PPP1CB: variants seen among roughly 807,000 people sequenced by gnomAD.
PPP1CB encodes protein phosphatase 1 catalytic subunit beta, also known as serine/threonine-protein phosphatase PP1-beta catalytic subunit.
Under a neutral mutation model 43.7 loss-of-function variants are expected in PPP1CB, and 2 were observed. The ratio of observed to expected loss-of-function variants is 0.05; its 90% CI spans 0.02 to 0.14. PPP1CB has a LOEUF of 0.14. Ranked by LOEUF, PPP1CB falls within the 10% of genes least tolerant of loss-of-function variation. PPP1CB has a pLI of 1.00. For synonymous variants in PPP1CB, 136 were observed against 135.6 expected (o/e 1.00, Z -0.02); for missense variants, 84 against 398.0 (o/e 0.21, Z 6.71).
In PPP1CB at chr2:28,752,048, G is replaced by A; in HGVS notation, c.-77G>A. On this transcript the variant is annotated 5_prime_UTR_variant, in exon 1 of 8. Coordinates refer to ENST00000395366, the MANE Select transcript of PPP1CB (RefSeq NM_002709.3). Reference sequence around the variant, plus strand: ...CCGCGTGACTTGTAGGTGAGAGAACGCCGAGCCGTCGCCGCAGCCTCCGCC... The same window carrying A: ...CCGCGTGACTTGTAGGTGAGAGAACACCGAGCCGTCGCCGCAGCCTCCGCC... The A allele has an allele frequency of 7.1e-7, 1 of 1,414,280 alleles. No homozygotes were observed. Among genetic ancestry groups the A allele is most frequent in the Non-Finnish European group, 9.8e-7 (1 of 1,023,218 alleles). The allele number at this position is 1,414,280 out of a possible 1,614,324, so 87.6% of individuals were successfully genotyped here.
chr2:28,796,207 CTTGAAGT>C (rs1667494241), intron 7 of PPP1CB, among the ~76,000 whole-genome samples: 1 of 151,898 alleles, frequency 6.6e-6, no homozygotes, highest in Non-Finnish European at 1.5e-5. Flanking sequence ...TATAATGTAC[CTTGAAGT>C]TTGGTAGTGT....
chr2:28,766,855 G>A (rs1239780732), intron 1 of PPP1CB, among the ~76,000 whole-genome samples: 3 of 152,188 alleles, frequency 2.0e-5, no homozygotes, highest in Non-Finnish European at 4.4e-5. Context: ...GCCAAGGCAG[G>A]CAGATCACGA....
chr2:28,778,578 G>A (rs975259467), intron 2 of PPP1CB: 48 of 530,180 alleles, frequency 9.1e-5, no homozygotes, highest in Admixed American at 7.0e-4. Flanking sequence ...TCATCAGCGA[G>A]CATGGAAGAA....
chr2:28,772,959 C>G lies in PPP1CB; in HGVS notation c.53-3892C>G, dbSNP rs542606944. Among the ~76,000 whole-genome samples the G allele has an allele frequency of 3.1e-4, 47 of 152,226 alleles. No homozygotes were observed. The South Asian group carries it at 9.6e-3, about 31-fold the overall frequency. On this transcript the variant is annotated intron_variant, in intron 1 of 7. Coordinates refer to ENST00000395366, the MANE Select transcript of PPP1CB (RefSeq NM_002709.3). ...ATGCAATAATGAGCAAAAGAGCATT[C>G]TTATGTTTCTTTTTATCTAAAAGTC...
At chr2:28,788,165 A>G (rs1367547850) in intron 5 of PPP1CB, among the ~76,000 whole-genome samples, 1 of 152,212 alleles carries the variant, frequency 6.6e-6, no homozygotes, top group East Asian at 1.9e-4. Flanking sequence ...TCCTGAAAAA[A>G]AAATGGAGGA....
chr2:28,770,979 T>C lies in PPP1CB; in HGVS notation c.53-5872T>C, dbSNP rs149917916. Among the ~76,000 whole-genome samples the C allele has an allele frequency of 1.3e-3, 191 of 151,592 alleles. 10 individuals are homozygous for C. In the East Asian group the frequency reaches 0.031, roughly 25 times the overall value. ...AAAGGAGAGATACCATATTTGTGGA[T>C]TGGAAGACTTGAAATTGTGAAGATA... On this transcript the variant is annotated intron_variant, in intron 1 of 7. Coordinates refer to ENST00000395366, the MANE Select transcript of PPP1CB (RefSeq NM_002709.3).
chr2:28,773,649 G>C (rs1341547933), intron 1 of PPP1CB, among the ~76,000 whole-genome samples: 1 of 127,824 alleles, frequency 7.8e-6, no homozygotes, highest in South Asian at 2.9e-4. Flanking sequence ...CTGTGTAACA[G>C]GTTGCCCGGA....
chr2:28,772,576 T>G (rs1237881068), intron 1 of PPP1CB, among the ~76,000 whole-genome samples: 2 of 152,208 alleles, frequency 1.3e-5, no homozygotes, highest in Non-Finnish European at 2.9e-5. Flanking sequence ...CCCATGGATA[T>G]TCATAGCATT....
chr2:28,752,016 C>G lies in PPP1CB; in HGVS notation c.-109C>G. ...GAAAAGGGGGAGTTGGAGCCGGGGT[C>G]GAAACGCCGCGTGACTTGTAGGTGA... On this transcript the variant is annotated 5_prime_UTR_variant, in exon 1 of 8. Transcript: ENST00000395366. The G allele has an allele frequency of 9.1e-7, 1 of 1,095,712 alleles. No individual in the cohort carries two copies. 67.9% of individuals were successfully genotyped at this position (1,095,712 alleles called of 1,614,324 possible).
chr2:28,799,049 C>T, intron 7 of PPP1CB, 150 bp from the exon 8 acceptor site: 3 of 590,704 alleles, frequency 5.1e-6, no homozygotes, highest in Non-Finnish European at 9.1e-6. Context: ...GACATTTGCA[C>T]ACTTTAAGAA....
chr2:28,784,117 C>G, intron 5 of PPP1CB, 139 bp downstream of exon 5: 1 of 573,866 alleles, frequency 1.7e-6, no homozygotes, highest in Non-Finnish European at 3.0e-6. Flanking sequence ...CTACAGATTA[C>G]TTTATTTGCA....
At chr2:28,787,237 A>G (rs1667288786) in intron 5 of PPP1CB, among the ~76,000 whole-genome samples, 1 of 152,168 alleles carries the variant, frequency 6.6e-6, no homozygotes. Flanking sequence ...AAGCGGGCGG[A>G]TCACGAGGTT....
intron 1 of PPP1CB, among the ~76,000 whole-genome samples, chr2:28,770,464 G>GA (rs34333207): frequency 0.13 from 19,641 of 150,852 alleles, 1,703 homozygotes; most frequent in African/African-American, 0.24. Context: ...ATTTATGTTG[G>GA]AAAAAGCTCT....
At chr2:28,781,672 G>A (rs944377694) in intron 3 of PPP1CB, 66 bp from the exon 4 acceptor site, 19 of 1,069,162 alleles carry the variant, frequency 1.8e-5, no homozygotes, top group African/African-American at 4.9e-5. Flanking sequence ...ATAATCCTGC[G>A]GCTTTGAGAT....
chr2:28,794,380 C>G (rs1330494358), intron 7 of PPP1CB, among the ~76,000 whole-genome samples: 1 of 152,056 alleles, frequency 6.6e-6, no homozygotes, highest in Non-Finnish European at 1.5e-5. Context: ...ATTACAAACT[C>G]AGATGAAAAT....
chr2:28,799,511 CAA>C lies in PPP1CB; in HGVS notation c.*210_*211del. ...AATAAGTATACTCTGTTATAGTCAA[CAA>C]AGTTAAATCCAAATTCAAAATTATC... On this transcript the variant is annotated 3_prime_UTR_variant, in exon 8 of 8. Coordinates refer to ENST00000395366, the MANE Select transcript of PPP1CB (RefSeq NM_002709.3). The C allele has an allele frequency of 2.5e-6, 1 of 398,618 alleles. No individual in the cohort carries two copies. The highest frequency in any genetic ancestry group is 3.7e-5 in the East Asian group (1 of 26,668). The allele number at this position is 398,618 out of a possible 1,614,324, so 24.7% of individuals were successfully genotyped here.
At chr2:28,769,663 A>C (rs1181913248) in intron 1 of PPP1CB, among the ~76,000 whole-genome samples, 1 of 152,208 alleles carries the variant, frequency 6.6e-6, no homozygotes, top group Non-Finnish European at 1.5e-5. Context: ...CTGACTGTTT[A>C]AAATAATAGT....
At chr2:28,777,048 C>T in intron 2 of PPP1CB, 66 bp downstream of exon 2, 4 of 1,523,098 alleles carry the variant, frequency 2.6e-6, no homozygotes, top group Non-Finnish European at 3.6e-6. Flanking sequence ...TGTTTAAGAT[C>T]TAGAGAAAAC....
At chr2:28,792,648 TA>T (rs1418349925) in intron 6 of PPP1CB, among the ~76,000 whole-genome samples, 1 of 152,118 alleles carries the variant, frequency 6.6e-6, no homozygotes, top group African/African-American at 2.4e-5. Context: ...AATTGTACCA[TA>T]AGGTAATTTC....
Sources: gnomAD v4.1 joint callset for allele counts (sites outside exome capture counted in the v4.1 genomes callset) on GRCh38, gnomAD v4.1.1 for gene constraint, MANE v1.5 for transcripts, NCBI Gene and HGNC (gene_info 2026-07-23, HGNC 2026-07-21) for gene names.